Variants in SLC25A24 observed in about 807,000 individuals in gnomAD.
SLC25A24 encodes the protein solute carrier family 25 member 24.
In SLC25A24, 49 loss-of-function variants were observed where a neutral mutation model predicts 60.7. That is an observed-to-expected ratio of 0.81 (90% CI 0.64 to 1.02). The LOEUF (loss-of-function observed/expected upper bound fraction) is 1.02. SLC25A24 is among the 50% of genes least tolerant of loss of function. The pLI, the probability that SLC25A24 is intolerant of heterozygous loss-of-function variation, is 0.00. For synonymous variants in SLC25A24, 202 were observed against 200.6 expected, an observed-to-expected ratio of 1.01 and a Z score of -0.06; for missense variants, 564 against 586.3, an observed-to-expected ratio of 0.96 and a Z score of 0.39.
chr1:108,192,118 T>C (rs1291270947), intron 1 of SLC25A24, among the ~76,000 whole-genome samples: 1 of 137,748 alleles, frequency 7.3e-6, no homozygotes, highest in Middle Eastern at 3.2e-3. Context: ...CACTCCCAAA[T>C]ACACGTAGAG....
At chr1:108,145,150 T>A (rs1331418452) in intron 7 of SLC25A24, among the ~76,000 whole-genome samples, 2 of 152,230 alleles carry the variant, frequency 1.3e-5, no homozygotes, top group Non-Finnish European at 2.9e-5. Flanking sequence ...TGGTTTTGAT[T>A]TGCATTTCTC....
rs1007919621 is a variant in SLC25A24, at chr1:108,199,971, G to C, written c.168C>G (p.Gly56=). Residue 56 remains glycine, a synonymous_variant, in exon 1 of 10, where the codon GGC becomes GGG. Transcript: ENST00000565488. ...GGCGACCCACCTCCTCGGCGTCCTG[G>C]CCCAGAGGGATGCCCAGGTTCCTGA... ...EGLRNLGIPL[G]QDAEEKIFTT... The C allele has an allele frequency of 1.2e-6, 2 of 1,608,952 alleles. No homozygotes were observed. The highest frequency in any genetic ancestry group is 1.7e-4 in the Middle Eastern group (1 of 6,052).
intron 2 of SLC25A24, among the ~76,000 whole-genome samples, chr1:108,184,967 A>T (rs1648065642): frequency 6.6e-6 from 1 of 152,166 alleles, no homozygotes; most frequent in African/African-American, 2.4e-5. Flanking sequence ...GTTAAAGGTT[A>T]CCTCTAGTGA....
intron 3 of SLC25A24, among the ~76,000 whole-genome samples, chr1:108,181,493 G>C (rs1647929767): frequency 1.3e-5 from 2 of 152,138 alleles, no homozygotes; most frequent in Admixed American, 1.3e-4. Context: ...TCTGTTTTCT[G>C]AAAGTTTAAA....
chr1:108,186,877 A>G (rs575534688), intron 1 of SLC25A24, among the ~76,000 whole-genome samples: 8 of 152,236 alleles, frequency 5.3e-5, no homozygotes, highest in Admixed American at 3.3e-4. Context: ...CGGGAGTTCA[A>G]GACCAACCTG....
chr1:108,147,915 T>TCTCCTA (rs1679650741), intron 7 of SLC25A24, among the ~76,000 whole-genome samples: 1 of 151,484 alleles, frequency 6.6e-6, no homozygotes, highest in Non-Finnish European at 1.5e-5. Flanking sequence ...CTCTCTCTGT[T>TCTCCTA]GGACCACTGA....
At chr1:108,155,521 T>A (rs1007865028) in intron 5 of SLC25A24, among the ~76,000 whole-genome samples, 1 of 151,536 alleles carries the variant, frequency 6.6e-6, no homozygotes, top group African/African-American at 2.4e-5. Context: ...GATAATAATA[T>A]TATATTATTA....
chr1:108,182,359 G>A (rs770762212), intron 2 of SLC25A24, among the ~76,000 whole-genome samples: 5 of 152,192 alleles, frequency 3.3e-5, no homozygotes, highest in East Asian at 1.9e-4. Flanking sequence ...TCCAAATCAA[G>A]ATATTCTAAC....
intron 3 of SLC25A24, among the ~76,000 whole-genome samples, chr1:108,169,061 G>T (rs1466053781): frequency 6.6e-6 from 1 of 152,146 alleles, no homozygotes; most frequent in Non-Finnish European, 1.5e-5. Flanking sequence ...ATCATCTATT[G>T]CACACACTCT....
At chr1:108,176,338 G>A (rs1647673297) in intron 3 of SLC25A24, among the ~76,000 whole-genome samples, 1 of 151,916 alleles carries the variant, frequency 6.6e-6, no homozygotes, top group South Asian at 2.1e-4. Context: ...GGAGAAAAAA[G>A]AATGAAAATG....
At chr1:108,158,269 T>A (rs569192729) in intron 4 of SLC25A24, among the ~76,000 whole-genome samples, 57 of 152,292 alleles carry the variant, frequency 3.7e-4, no homozygotes, top group African/African-American at 1.3e-3. Flanking sequence ...TATTCTACAT[T>A]ACTATAGTTT....
intron 6 of SLC25A24, among the ~76,000 whole-genome samples, chr1:108,149,724 A>G (rs1030417722): frequency 9.2e-5 from 14 of 152,124 alleles, no homozygotes; most frequent in Admixed American, 2.6e-4. Flanking sequence ...AACAGAGAGA[A>G]GTGGACTCAT....
intron 5 of SLC25A24, 35 bp from the exon 6 acceptor site, chr1:108,155,170 T>C: frequency 6.3e-7 from 1 of 1,588,948 alleles, no homozygotes; most frequent in South Asian, 1.1e-5. Context: ...AAAATGCTGG[T>C]GGCATATTAC....
Position 108,200,220 on chromosome 1 carries a change from CCGGGCTGGGCGGGG to C in SLC25A24, c.-96_-83del. 1 of 1,326,966 alleles carries C rather than the reference CCGGGCTGGGCGGGG, an allele frequency of 7.5e-7. No individual in the cohort carries two copies. The highest frequency in any genetic ancestry group is 9.8e-7 in the Non-Finnish European group (1 of 1,022,550). The allele number at this position is 1,326,966 out of a possible 1,614,324, so 82.2% of individuals were successfully genotyped here. ...GGGCGAGACCGGGACCAGCGCGAGG[CCGGGCTGGGCGGGG>C]CGCGCGGCGCAACAGCGTTTGGGGC... On this transcript the variant is annotated 5_prime_UTR_variant, in exon 1 of 10. Transcript: ENST00000565488.
intron 1 of SLC25A24, among the ~76,000 whole-genome samples, chr1:108,186,586 AGT>A (rs1161800786): frequency 6.6e-6 from 1 of 152,126 alleles, no homozygotes; most frequent in Non-Finnish European, 1.5e-5. Flanking sequence ...AGCCTAAACT[AGT>A]GTTTTCCCCT....
intron 4 of SLC25A24, among the ~76,000 whole-genome samples, chr1:108,159,464 GTTTTTTTTTTT>G (rs60246776): frequency 3.1e-5 from 4 of 131,100 alleles, no homozygotes. Context: ...GTCTTGGGTT[GTTTTTTTTTTT>G]TTTTTTTTAA....
At chr1:108,175,281 T>A (rs1226690725) in intron 3 of SLC25A24, among the ~76,000 whole-genome samples, 2 of 152,206 alleles carry the variant, frequency 1.3e-5, no homozygotes, top group Non-Finnish European at 2.9e-5. Context: ...TAACTTCTCA[T>A]GAGATCTGAT....
intron 6 of SLC25A24, among the ~76,000 whole-genome samples, chr1:108,153,150 C>T (rs1436432385): frequency 1.3e-5 from 2 of 152,116 alleles, no homozygotes; most frequent in Non-Finnish European, 2.9e-5. Flanking sequence ...GAGATGGCAG[C>T]TGAAACCACA....
intron 1 of SLC25A24, chr1:108,199,016 C>T (rs1274839442): frequency 6.6e-6 from 1 of 152,160 alleles, no homozygotes; most frequent in African/African-American, 2.4e-5. Context: ...GAGAACCTAC[C>T]TACAGATTCA....
Sources: gnomAD v4.1 joint callset for allele counts (sites outside exome capture counted in the v4.1 genomes callset) on GRCh38, gnomAD v4.1.1 for gene constraint, MANE v1.5 for transcripts, NCBI Gene and HGNC (gene_info 2026-07-23, HGNC 2026-07-21) for gene names.